The following MYO1E variants were observed in gnomAD, a reference collection of about 807,000 sequenced individuals.
The protein encoded by MYO1E is myosin IE.
In MYO1E, 68 loss-of-function variants were observed where a neutral mutation model predicts 151.1. The ratio of observed to expected loss-of-function variants is 0.45; its 90% CI spans 0.37 to 0.55. MYO1E has a LOEUF of 0.55. Among genes scored for constraint, MYO1E ranks in the 20% least tolerant of loss-of-function variants. MYO1E has a pLI of 0.00. For synonymous variants in MYO1E, 601 were observed against 501.7 expected, an observed-to-expected ratio of 1.20 and a Z score of -2.64; for missense variants, 1,363 against 1,389.3, an observed-to-expected ratio of 0.98 and a Z score of 0.30.
chr15:59,363,815 G>A (rs1382957665), intron 1 of MYO1E, among the ~76,000 whole-genome samples: 1 of 152,120 alleles, frequency 6.6e-6, no homozygotes. Flanking sequence ...TTGCTCTGTC[G>A]CCCAGACTGG....
intron 1 of MYO1E, among the ~76,000 whole-genome samples, chr15:59,284,639 A>G (rs1415068310): frequency 6.6e-6 from 1 of 151,122 alleles, no homozygotes; most frequent in Non-Finnish European, 1.5e-5. Flanking sequence ...AAAAAAAAAA[A>G]AATTTTTTTT....
intron 1 of MYO1E, among the ~76,000 whole-genome samples, chr15:59,299,991 T>C (rs986878150): frequency 6.6e-6 from 1 of 152,208 alleles, no homozygotes; most frequent in East Asian, 1.9e-4. Flanking sequence ...GTTTTAAATA[T>C]CCTAACTGGA....
At chr15:59,167,118 T>C (rs1391289379) in intron 22 of MYO1E, among the ~76,000 whole-genome samples, 1 of 152,154 alleles carries the variant, frequency 6.6e-6, no homozygotes, top group Non-Finnish European at 1.5e-5. Flanking sequence ...GGACAGGCAG[T>C]GAAGCGGGCT....
At chr15:59,252,488 G>A (rs1001041578) in intron 4 of MYO1E, among the ~76,000 whole-genome samples, 2 of 152,182 alleles carry the variant, frequency 1.3e-5, no homozygotes, top group African/African-American at 2.4e-5. Context: ...GCTAAGACAG[G>A]CGGATTACCT....
At chr15:59,178,610 C>T in intron 18 of MYO1E, 73 bp from the exon 19 acceptor site, 1 of 1,568,294 alleles carries the variant, frequency 6.4e-7, no homozygotes, top group Non-Finnish European at 8.7e-7. Flanking sequence ...GGCAAGGCAG[C>T]AAGAGCTCTG....
chr15:59,372,062 G>A (rs1464312108), intron 1 of MYO1E, among the ~76,000 whole-genome samples: 1 of 149,570 alleles, frequency 6.7e-6, no homozygotes, highest in Admixed American at 6.6e-5. Flanking sequence ...GGGTGCCCGG[G>A]GCGGGGCGGG....
At chr15:59,227,738 G>T in intron 6 of MYO1E, 148 bp from the exon 7 acceptor site, 4 of 1,099,750 alleles carry the variant, frequency 3.6e-6, no homozygotes, top group Non-Finnish European at 4.0e-6. Flanking sequence ...GACTTCCTTA[G>T]TTTTCAATCA....
In MYO1E at chr15:59,214,294, A is replaced by T. The variant is rs1185285321; in HGVS notation, c.1209T>A (p.Phe403Leu). 6.2e-6 allele frequency: 10 copies of T among 1,611,340 alleles called. No individual in the cohort carries two copies. The highest frequency in any genetic ancestry group is 8.5e-6 in the Non-Finnish European group (10 of 1,179,156). The change falls in exon 12 of 28, where the codon TTT becomes TTA. Residue 403 changes from phenylalanine to leucine, a missense_variant. Physicochemically the swap from Phe to Leu is conservative, Grantham distance 22. Coordinates refer to ENST00000288235, the MANE Select transcript of MYO1E (RefSeq NM_004998.4). Reference sequence around the variant, plus strand: ...GTTTTTCATTAACAAAATTGATACAAAACTGTTCAAAGCCATTTTTCTGGA... The same window carrying T: ...GTTTTTCATTAACAAAATTGATACATAACTGTTCAAAGCCATTTTTCTGGA... The part of the protein sequence containing the change: ...EIFQKNGFEQ[F>L]CINFVNEKLQ...
chr15:59,317,532 T>A (rs1211816431), intron 1 of MYO1E, among the ~76,000 whole-genome samples: 1 of 144,010 alleles, frequency 6.9e-6, no homozygotes, highest in Non-Finnish European at 1.5e-5. Context: ...ATATGCAAGA[T>A]GACCACTCAG....
At chr15:59,172,520 T>C (rs904699772) in intron 21 of MYO1E, among the ~76,000 whole-genome samples, 3 of 152,222 alleles carry the variant, frequency 2.0e-5, no homozygotes, top group Non-Finnish European at 4.4e-5. Flanking sequence ...AAAGAGGGCA[T>C]TGTTCATGAT....
rs1454625544 is a variant in MYO1E, at chr15:59,135,150, C to A, written c.*2230G>T. 3 of 152,246 alleles carry A rather than the reference C, an allele frequency of 2.0e-5. No individual in the cohort carries two copies. The highest frequency in any genetic ancestry group is 6.5e-5 in the Admixed American group (1 of 15,284). 9.4% of individuals were successfully genotyped at this position (152,246 alleles called of 1,614,324 possible). A position where few individuals can be genotyped will look rare whatever the true frequency, so the allele number is the denominator to read the frequency against. On this transcript the variant is annotated 3_prime_UTR_variant, in exon 28 of 28. Coordinates refer to ENST00000288235, the MANE Select transcript of MYO1E (RefSeq NM_004998.4). ...CCATTTGTTGGGCATCTCCTTGAGC[C>A]TGGCACTGGCTGGGCACACGATGCA...
intron 1 of MYO1E, among the ~76,000 whole-genome samples, chr15:59,302,688 A>G (rs575715488): frequency 3.3e-5 from 5 of 152,358 alleles, no homozygotes; most frequent in Middle Eastern, 6.8e-3. Flanking sequence ...CATCTAACAC[A>G]GTGCCTGACA....
At chr15:59,201,110 T>A (rs2079798801) in intron 16 of MYO1E, among the ~76,000 whole-genome samples, 1 of 46,364 alleles carries the variant, frequency 2.2e-5, no homozygotes, top group African/African-American at 3.7e-5. Context: ...ACAAAAACTA[T>A]TTTTTTTTTT....
chr15:59,317,676 T>C (rs1295367366), intron 1 of MYO1E, among the ~76,000 whole-genome samples: 2 of 152,078 alleles, frequency 1.3e-5, no homozygotes, highest in African/African-American at 2.4e-5. Flanking sequence ...GTAAACCCTG[T>C]GTAAGAAAGG....
chr15:59,270,583 C>A, intron 2 of MYO1E, among the ~76,000 whole-genome samples: 1 of 149,174 alleles, frequency 6.7e-6, no homozygotes. Flanking sequence ...AAAAAAAAAT[C>A]ACATTATATC....
chr15:59,326,983 C>G (rs2080668694), intron 1 of MYO1E, among the ~76,000 whole-genome samples: 1 of 152,190 alleles, frequency 6.6e-6, no homozygotes, highest in South Asian at 2.1e-4. Context: ...GTAGGACAAT[C>G]CTGAGCACCA....
At chr15:59,372,341 G>C (rs561621396) in intron 1 of MYO1E, among the ~76,000 whole-genome samples, 157 bp downstream of exon 1, 1 of 152,250 alleles carries the variant, frequency 6.6e-6, no homozygotes, top group Admixed American at 6.5e-5. Flanking sequence ...CGGGTTTACG[G>C]AAAGCGGCAG....
chr15:59,326,243 G>A (rs1009556513), intron 1 of MYO1E, among the ~76,000 whole-genome samples: 1 of 152,120 alleles, frequency 6.6e-6, no homozygotes, highest in African/African-American at 2.4e-5. Flanking sequence ...GGGTGGGACG[G>A]GCATGGTGGC....
chr15:59,224,560 G>C, intron 8 of MYO1E, 129 bp downstream of exon 8: 1 of 1,259,164 alleles, frequency 7.9e-7, no homozygotes, highest in Non-Finnish European at 1.1e-6. Flanking sequence ...TGAGCATACA[G>C]AGTGCTCACA....
Sources: allele counts gnomAD v4.1 joint callset (sites outside exome capture counted in the v4.1 genomes callset), GRCh38; gene constraint gnomAD v4.1.1; transcripts MANE v1.5; gene names NCBI Gene and HGNC (gene_info 2026-07-23, HGNC 2026-07-21).